OR2C1: variants seen among roughly 807,000 people sequenced by gnomAD.
OR2C1 encodes the protein olfactory receptor 2C1.
For missense variants in OR2C1, 468 were observed against 388.3 expected (o/e 1.21, Z -1.73); for synonymous variants, 209 against 167.3 (o/e 1.25, Z -1.92).
chr16:3,345,959 A>G, the OR2C1 span, among the ~76,000 whole-genome samples: 5 of 148,948 alleles, frequency 3.4e-5, no homozygotes, highest in South Asian at 1.0e-3. Flanking sequence ...TCAGCATCCC[A>G]TGTAGCTGGG....
At chr16:3,354,498 C>T (rs1000298536), upstream of OR2C1, among the ~76,000 whole-genome samples, 1 of 152,202 alleles carries the variant, frequency 6.6e-6, no homozygotes, top group African/African-American at 2.4e-5. Context: ...GTTTGCTCTA[C>T]ATTGACCTCC....
the OR2C1 span, among the ~76,000 whole-genome samples, chr16:3,347,920 G>A: frequency 6.6e-6 from 1 of 152,044 alleles, no homozygotes; most frequent in African/African-American, 2.4e-5. Context: ...TCTTATGGTA[G>A]GTGGAAATTA....
chr16:3,347,108 A>G, the OR2C1 span, among the ~76,000 whole-genome samples: 120,213 of 150,468 alleles, frequency 0.8, 48,148 homozygotes, highest in East Asian at 0.92. Context: ...TTAGCTGGGC[A>G]CAGTGGTGCG....
At chr16:3,334,951 T>A in the OR2C1 span, among the ~76,000 whole-genome samples, 1 of 152,074 alleles carries the variant, frequency 6.6e-6, no homozygotes, top group East Asian at 1.9e-4. Context: ...CCCCAGTAGC[T>A]GGGATTATAG....
chr16:3,332,450 GTTC>G, the OR2C1 span, among the ~76,000 whole-genome samples: 1 of 151,798 alleles, frequency 6.6e-6, no homozygotes, highest in Non-Finnish European at 1.5e-5. Context: ...TTGAACACTA[GTTC>G]TTATTTTTTC....
chr16:3,355,579 G>A (rs1208680710), upstream of OR2C1, among the ~76,000 whole-genome samples: 2 of 151,900 alleles, frequency 1.3e-5, no homozygotes, highest in Non-Finnish European at 2.9e-5. Context: ...CCCAAGAGTT[G>A]GAGACAACCC....
chr16:3,353,489 CA>C (rs58703245), upstream of OR2C1, among the ~76,000 whole-genome samples: 40,643 of 82,410 alleles, frequency 0.49, 7,400 homozygotes, highest in East Asian at 0.63. Flanking sequence ...GACTCCGTCT[CA>C]AAAAAAAAAA....
At chr16:3,348,317 A>T in the OR2C1 span, among the ~76,000 whole-genome samples, 2 of 152,218 alleles carry the variant, frequency 1.3e-5, no homozygotes, top group African/African-American at 4.8e-5. Flanking sequence ...TGGAGGGGTC[A>T]TAATTTACCG....
chr16:3,343,130 T>C, the OR2C1 span, among the ~76,000 whole-genome samples: 2 of 152,202 alleles, frequency 1.3e-5, no homozygotes, highest in Non-Finnish European at 2.9e-5. Flanking sequence ...GTCTTTATGT[T>C]GATAAAATTT....
chr16:3,329,605 A>G, the OR2C1 span, among the ~76,000 whole-genome samples: 2,898 of 151,520 alleles, frequency 0.019, 88 homozygotes, highest in African/African-American at 0.066. Context: ...GCCCGCCACC[A>G]CACCCGGCTA....
chr16:3,345,794 CTCTT>C, the OR2C1 span, among the ~76,000 whole-genome samples: 1 of 147,204 alleles, frequency 6.8e-6, no homozygotes, highest in Non-Finnish European at 1.5e-5. Context: ...TTTTCTTTCT[CTCTT>C]TCTCTTTTCT....
the OR2C1 span, among the ~76,000 whole-genome samples, chr16:3,331,714 T>C: frequency 6.6e-6 from 1 of 152,114 alleles, no homozygotes; most frequent in Non-Finnish European, 1.5e-5. Context: ...GACCCAGCCA[T>C]CCCATTACTG....
chr16:3,334,879 C>G, the OR2C1 span, among the ~76,000 whole-genome samples: 4 of 151,524 alleles, frequency 2.6e-5, no homozygotes, highest in Non-Finnish European at 4.4e-5. Context: ...AGTGCAATGG[C>G]TTGATCTCGG....
At chr16:3,347,608 AT>A in the OR2C1 span, among the ~76,000 whole-genome samples, 178 of 152,102 alleles carry the variant, frequency 1.2e-3, no homozygotes, top group African/African-American at 3.3e-3. Context: ...AGACAAACAA[AT>A]ATGTACATAT....
At chr16:3,339,157 A>C in the OR2C1 span, among the ~76,000 whole-genome samples, 3 of 152,136 alleles carry the variant, frequency 2.0e-5, no homozygotes, top group Non-Finnish European at 4.4e-5. Context: ...AATGTTTTTC[A>C]GGCTCGTCTA....
the OR2C1 span, among the ~76,000 whole-genome samples, chr16:3,338,644 T>C: frequency 6.8e-6 from 1 of 146,774 alleles, no homozygotes; most frequent in African/African-American, 2.5e-5. Flanking sequence ...TTCACGCCAT[T>C]CCCCTTCCTC....
At chr16:3,323,263 C>T in the OR2C1 span, 1 of 812,818 alleles carries the variant, frequency 1.2e-6, no homozygotes, top group Non-Finnish European at 2.1e-6. Flanking sequence ...AGGAAGCCCA[C>T]TGTATTTTTG....
the OR2C1 span, among the ~76,000 whole-genome samples, chr16:3,330,589 T>G: frequency 4.1e-3 from 619 of 152,332 alleles, 5 homozygotes; most frequent in African/African-American, 0.014. Flanking sequence ...TCATAATCTT[T>G]ATTTTTTATT....
At chr16:3,352,170 G>A (rs1484805897), upstream of OR2C1, among the ~76,000 whole-genome samples, 1 of 151,932 alleles carries the variant, frequency 6.6e-6, no homozygotes, top group Non-Finnish European at 1.5e-5. Context: ...AGGCTGGAGT[G>A]CAGTGGTGCA....
Sources: gnomAD v4.1 joint callset for allele counts (sites outside exome capture counted in the v4.1 genomes callset) on GRCh38, gnomAD v4.1.1 for gene constraint, MANE v1.5 for transcripts, NCBI Gene and HGNC (gene_info 2026-07-23, HGNC 2026-07-21) for gene names.